CYSTM1: variants seen among roughly 807,000 people sequenced by gnomAD.
CYSTM1 encodes cysteine-rich transmembrane module-containing protein 1.
CYSTM1 carries 4 observed loss-of-function variants against 13.1 expected under a neutral mutation model. The observed-to-expected ratio is 0.31, with a 90% confidence interval of 0.15 to 0.70. The LOEUF is 0.70. Among genes scored for constraint, CYSTM1 ranks in the 30% least tolerant of loss-of-function variants. The pLI is 0.72. For synonymous variants in CYSTM1, 36 were observed against 42.7 expected, an observed-to-expected ratio of 0.84 and a Z score of 0.62; for missense variants, 96 against 121.6, an observed-to-expected ratio of 0.79 and a Z score of 0.99.
intron 1 of CYSTM1, among the ~76,000 whole-genome samples, chr5:140,188,900 T>C (rs13172695): frequency 0.23 from 35,136 of 152,108 alleles, 4,093 homozygotes; most frequent in African/African-American, 0.25. Context: ...TACTGTACAA[T>C]TTACAATAAA....
rs1764609413 is a variant in CYSTM1 at position 140,230,751 on chromosome 5, G to A, written c.188-12554G>A. Reference sequence around the variant, plus strand: ...ATCTTGTAAACTCTGTTAGGGATTGGTGTCTTTAATCTTTGGGGCACAGTT... The same window carrying A: ...ATCTTGTAAACTCTGTTAGGGATTGATGTCTTTAATCTTTGGGGCACAGTT... On this transcript the variant is annotated intron_variant, in intron 2 of 2. Coordinates refer to ENST00000261811, the MANE Select transcript of CYSTM1 (RefSeq NM_032412.4). This position sits in a 1 kb window ranked among gnomAD's most constrained non-coding sequence, Gnocchi z 4.1. 6.6e-6 allele frequency among the ~76,000 whole-genome samples: 1 copy of A among 152,148 alleles called. No individual in the cohort carries two copies. The highest frequency in any genetic ancestry group is 2.4e-5 in the African/African-American group (1 of 41,428).
chr5:140,205,768 TA>T (rs957716471), intron 2 of CYSTM1, among the ~76,000 whole-genome samples: 1 of 152,086 alleles, frequency 6.6e-6, no homozygotes, highest in Non-Finnish European at 1.5e-5. Context: ...TAGGGATGGA[TA>T]GGGGTGGGGA....
At chr5:140,224,162 G>A (rs960396035) in intron 2 of CYSTM1, among the ~76,000 whole-genome samples, 3 of 151,952 alleles carry the variant, frequency 2.0e-5, no homozygotes, top group East Asian at 1.9e-4. Context: ...TTTTTGAGAC[G>A]GAGTTTCGTT....
At chr5:140,186,890 C>A (rs550020544) in intron 1 of CYSTM1, among the ~76,000 whole-genome samples, 1 of 152,166 alleles carries the variant, frequency 6.6e-6, no homozygotes. Flanking sequence ...CTTTGGGAGG[C>A]TGAGGCGGGC....
chr5:140,180,306 C>G (rs1763948370), intron 1 of CYSTM1, among the ~76,000 whole-genome samples: 1 of 152,168 alleles, frequency 6.6e-6, no homozygotes, highest in African/African-American at 2.4e-5. Context: ...TGAACTACAA[C>G]ATCCATCTTT....
At chr5:140,193,648 C>T (rs1175505647) in intron 1 of CYSTM1, among the ~76,000 whole-genome samples, 3 of 152,212 alleles carry the variant, frequency 2.0e-5, no homozygotes, top group South Asian at 2.1e-4. Context: ...AGAAACAAGA[C>T]GCTGGCCCTG....
chr5:140,242,372 C>A (rs1764760401), intron 2 of CYSTM1, among the ~76,000 whole-genome samples: 1 of 152,128 alleles, frequency 6.6e-6, no homozygotes, highest in Non-Finnish European at 1.5e-5. Flanking sequence ...AAAACAGATA[C>A]AAAACACAAG....
chr5:140,200,465 GT>G (rs1229369464), intron 2 of CYSTM1: 1 of 150,242 alleles, frequency 6.7e-6, no homozygotes, highest in East Asian at 1.9e-4. Flanking sequence ...CCTCTGTTCT[GT>G]TCCATTGGTC....
At chr5:140,235,021 C>T (rs1230630385) in intron 2 of CYSTM1, among the ~76,000 whole-genome samples, 1 of 147,564 alleles carries the variant, frequency 6.8e-6, no homozygotes, top group Non-Finnish European at 1.5e-5. Context: ...GGCAGGAGTT[C>T]AGTGGCGCGA....
At chr5:140,227,909 T>A (rs1199014256) in intron 2 of CYSTM1, among the ~76,000 whole-genome samples, 1 of 152,220 alleles carries the variant, frequency 6.6e-6, no homozygotes, top group Admixed American at 6.5e-5. Flanking sequence ...AGTTCTTGTA[T>A]ATTTCAGAAA....
intron 1 of CYSTM1, among the ~76,000 whole-genome samples, chr5:140,180,783 A>G (rs1332289411): frequency 1.3e-5 from 2 of 152,178 alleles, no homozygotes; most frequent in Admixed American, 6.5e-5. Context: ...TGCCAAAACA[A>G]CAGATGATTT....
At chr5:140,211,783 C>T (rs1265549104) in intron 2 of CYSTM1, among the ~76,000 whole-genome samples, 5 of 152,054 alleles carry the variant, frequency 3.3e-5, no homozygotes, top group African/African-American at 1.2e-4. Flanking sequence ...CCTGTTTCTA[C>T]CAAAAATACA....
At chr5:140,194,228 C>A (rs564381752) in intron 1 of CYSTM1, among the ~76,000 whole-genome samples, 2 of 152,286 alleles carry the variant, frequency 1.3e-5, no homozygotes, top group Non-Finnish European at 2.9e-5. Flanking sequence ...TCACAGCCTA[C>A]AGTCTAGTGG....
intron 1 of CYSTM1, among the ~76,000 whole-genome samples, chr5:140,184,351 A>G (rs983460085): frequency 6.6e-6 from 1 of 150,582 alleles, no homozygotes; most frequent in African/African-American, 2.4e-5. Context: ...ATTGATGAAC[A>G]TTATATTTAA....
intron 2 of CYSTM1, among the ~76,000 whole-genome samples, chr5:140,240,668 T>G (rs1764737069): frequency 6.6e-6 from 1 of 152,014 alleles, no homozygotes; most frequent in Admixed American, 6.6e-5. Flanking sequence ...GCTGTGCAGC[T>G]CAGTGCACCC....
intron 2 of CYSTM1, among the ~76,000 whole-genome samples, chr5:140,237,104 G>A (rs185340150): frequency 1.6e-3 from 245 of 152,262 alleles, no homozygotes; most frequent in African/African-American, 5.5e-3. Flanking sequence ...GAAGTGTGGC[G>A]GGTGGTGGCT....
At chr5:140,215,800 AGTGTTGTTGAGT>A (rs1236239460) in intron 2 of CYSTM1, among the ~76,000 whole-genome samples, 1 of 152,024 alleles carries the variant, frequency 6.6e-6, no homozygotes, top group Non-Finnish European at 1.5e-5. Flanking sequence ...TAAAAAAAAT[AGTGTTGTTGAGT>A]GTGTTGTTTT....
rs193146882 is a variant in CYSTM1, at chr5:140,195,711, G to A, written c.187+1059G>A. 8.6e-3 allele frequency among the ~76,000 whole-genome samples: 1,281 copies of A among 149,638 alleles called. 8 individuals carry two copies. The highest frequency in any genetic ancestry group is 0.014 in the Non-Finnish European group (942 of 67,188). On this transcript the variant is annotated intron_variant, in intron 2 of 2. Transcript: ENST00000261811. ...CTTCCAAAGTGCTGGGATTACAGGCGTGAGCCACTGTGCCTGGCCAAGATA... is the reference window on the plus strand; with the variant it reads ...CTTCCAAAGTGCTGGGATTACAGGCATGAGCCACTGTGCCTGGCCAAGATA...
chr5:140,243,435 C>CCTGCCAGCTCTG lies in CYSTM1; in HGVS notation c.*31_*42dup, dbSNP rs755121038. 2 of 1,605,212 alleles carry CCTGCCAGCTCTG rather than the reference C, an allele frequency of 1.2e-6. No individual in the cohort carries two copies. The highest frequency in any genetic ancestry group is 1.1e-5 in the South Asian group (1 of 90,780). On this transcript the variant is annotated 3_prime_UTR_variant, in exon 3 of 3. Transcript: ENST00000261811. The stretch of plus-strand genomic sequence containing the variant: ...GACCAGACCAGCCCAGCCGTCCTGT[C>CCTGCCAGCTCTG]CTGCCAGCTCTGCTGCCACCTCTGA...
Sources: gnomAD v4.1 joint callset for allele counts (sites outside exome capture counted in the v4.1 genomes callset) on GRCh38, gnomAD v4.1.1 for gene constraint, Gnocchi (gnomAD v3.1) non-coding constraint, MANE v1.5 for transcripts, NCBI Gene and HGNC (gene_info 2026-07-23, HGNC 2026-07-21) for gene names.